The following XPO1 variants were observed in gnomAD, a reference collection of about 807,000 sequenced individuals.
The protein encoded by XPO1 is exportin-1.
Under a neutral mutation model 133.3 loss-of-function variants are expected in XPO1, and 5 were observed. That is an observed-to-expected ratio of 0.04 (90% confidence interval 0.02 to 0.08). The LOEUF is 0.08. XPO1 is among the 10% of genes least tolerant of loss of function. The pLI, the probability that XPO1 is intolerant of heterozygous loss-of-function variation, is 1.00. For synonymous variants in XPO1, 419 were observed against 408.2 expected (o/e 1.03, Z -0.32); for missense variants, 506 against 1,267.5 (o/e 0.40, Z 9.12).
At chr2:61,502,430 T>C in intron 4 of XPO1, 120 bp from the exon 5 acceptor site, 4 of 955,900 alleles carry the variant, frequency 4.2e-6, no homozygotes, top group South Asian at 1.7e-5. Flanking sequence ...TAATATACTC[T>C]AATCCTGTCA....
At chr2:61,488,399 G>T (rs1040343523) in intron 18 of XPO1, 128 bp from the exon 19 acceptor site, 7 of 1,194,134 alleles carry the variant, frequency 5.9e-6, no homozygotes, top group Non-Finnish European at 8.3e-6. Context: ...AAAATTTATT[G>T]GGAAAATAAG....
intron 3 of XPO1, chr2:61,525,329 TCTTC>T: frequency 1.0e-6 from 1 of 986,924 alleles, no homozygotes; most frequent in Non-Finnish European, 1.2e-6. Context: ...ACACCCCTTT[TCTTC>T]CTATTACAAG....
intron 4 of XPO1, among the ~76,000 whole-genome samples, chr2:61,506,615 A>AAAAAAAAT: frequency 6.7e-6 from 1 of 149,638 alleles, no homozygotes; most frequent in Non-Finnish European, 1.5e-5. Context: ...AAAAAAAAAA[A>AAAAAAAAT]TCCAATGTTA....
chr2:61,507,181 T>C (rs182502646), intron 4 of XPO1, among the ~76,000 whole-genome samples: 6 of 140,036 alleles, frequency 4.3e-5, no homozygotes, highest in East Asian at 2.2e-4. Flanking sequence ...CAAGATGCAG[T>C]TGCAGTGAGC....
intron 20 of XPO1, 81 bp downstream of exon 20, chr2:61,485,687 T>C (rs1696658894): frequency 4.4e-6 from 5 of 1,136,952 alleles, no homozygotes; most frequent in Admixed American, 2.5e-5. Context: ...AATTATGTTA[T>C]ATCCACAGAC....
At chr2:61,488,067 A>C (rs1202425247) in intron 19 of XPO1, 98 bp downstream of exon 19, 1 of 998,786 alleles carries the variant, frequency 1.0e-6, no homozygotes. Context: ...CAAAGTTGAT[A>C]TGCTTTAAAT....
At chr2:61,503,001 T>C (rs1274340094) in intron 4 of XPO1, among the ~76,000 whole-genome samples, 2 of 149,836 alleles carry the variant, frequency 1.3e-5, no homozygotes, top group Admixed American at 6.7e-5. Context: ...AGTCCTGTTA[T>C]GTCACACACA....
chr2:61,494,223 T>C (rs1056651874), intron 11 of XPO1, 132 bp from the exon 12 acceptor site: 7 of 818,570 alleles, frequency 8.6e-6, no homozygotes, highest in Middle Eastern at 3.8e-4. Flanking sequence ...TCAATACTTA[T>C]CAAATAGACA....
intron 12 of XPO1, 111 bp downstream of exon 12, chr2:61,493,783 T>A: frequency 8.5e-7 from 1 of 1,169,816 alleles, no homozygotes; most frequent in East Asian, 2.4e-5. Flanking sequence ...GGAGAAGTTG[T>A]TGGGTTCTCT....
At chr2:61,485,992 T>C in intron 19 of XPO1, 30 bp from the exon 20 acceptor site, 1 of 1,568,044 alleles carries the variant, frequency 6.4e-7, no homozygotes, top group Non-Finnish European at 8.7e-7. Flanking sequence ...AAGTTATGTT[T>C]TAATTTAGGT....
intron 23 of XPO1, among the ~76,000 whole-genome samples, chr2:61,481,569 C>A (rs549229599): frequency 6.6e-6 from 1 of 152,282 alleles, no homozygotes; most frequent in African/African-American, 2.4e-5. Context: ...GCCTCAGCCT[C>A]CCAAGTAGCT....
intron 2 of XPO1, among the ~76,000 whole-genome samples, chr2:61,528,578 G>A (rs1276770326): frequency 2.7e-5 from 4 of 150,130 alleles, no homozygotes; most frequent in African/African-American, 9.8e-5. Context: ...GTTGCAGTGA[G>A]CCAAGATTCC....
rs1173829421 is a variant in XPO1, at chr2:61,478,865, A to G, written c.3171T>C (p.Pro1057=). The G allele has an allele frequency of 1.2e-6, 2 of 1,614,062 alleles. No homozygotes were observed. Among genetic ancestry groups the G allele is most frequent in the African/African-American group, 2.7e-5 (2 of 74,942 alleles). Residue 1057 remains proline, a synonymous_variant, in exon 25 of 25, where the codon CCT becomes CCC. Transcript: ENST00000401558. Reference sequence around the variant, plus strand: ...GAATCTCATGTGGATTAAAGATGCCAGGGACAGACATTTGACGTTTATGTT... The same window carrying G: ...GAATCTCATGTGGATTAAAGATGCCGGGGACAGACATTTGACGTTTATGTT... ...EEKHKRQMSV[P]GIFNPHEIPE... is the part of the protein sequence containing the mutation.
chr2:61,522,192 G>T (rs918908904), intron 4 of XPO1, among the ~76,000 whole-genome samples: 4 of 152,064 alleles, frequency 2.6e-5, no homozygotes, highest in African/African-American at 9.7e-5. Context: ...ACATAGCTGG[G>T]ACCACAGACA....
intron 20 of XPO1, 168 bp from the exon 21 acceptor site, chr2:61,484,273 C>G: frequency 1.7e-6 from 1 of 574,422 alleles, no homozygotes; most frequent in African/African-American, 1.9e-5. Context: ...ATCCACCTCT[C>G]ACGGAAAATG....
At chr2:61,515,505 T>C (rs1037058713) in intron 4 of XPO1, among the ~76,000 whole-genome samples, 4 of 152,144 alleles carry the variant, frequency 2.6e-5, no homozygotes, top group South Asian at 2.1e-4. Context: ...TTTGGTGAAA[T>C]GCAGATATTT....
At chr2:61,505,048 T>C (rs1414633888) in intron 4 of XPO1, among the ~76,000 whole-genome samples, 2 of 152,232 alleles carry the variant, frequency 1.3e-5, no homozygotes, top group African/African-American at 4.8e-5. Flanking sequence ...TCTTGGTCTG[T>C]TGCCCACACT....
chr2:61,513,146 C>G (rs1010410134), intron 4 of XPO1, among the ~76,000 whole-genome samples: 5 of 151,934 alleles, frequency 3.3e-5, no homozygotes, highest in African/African-American at 1.2e-4. Flanking sequence ...CCTCCACCTC[C>G]CGAACTCAAC....
At chr2:61,500,885 T>C (rs539092690) in intron 6 of XPO1, among the ~76,000 whole-genome samples, 1 of 152,326 alleles carries the variant, frequency 6.6e-6, no homozygotes. Flanking sequence ...GACAGCTTAT[T>C]ATTGGATGCA....
Sources: gnomAD v4.1 joint callset for allele counts (sites outside exome capture counted in the v4.1 genomes callset) on GRCh38, gnomAD v4.1.1 for gene constraint, MANE v1.5 for transcripts, NCBI Gene and HGNC (gene_info 2026-07-23, HGNC 2026-07-21) for gene names.